The following ZNF385D variants were observed in gnomAD, a reference collection of about 807,000 sequenced individuals.
ZNF385D encodes the protein zinc finger protein 385D, also known as zinc finger protein 659.
A neutral mutation model predicts 35.8 loss-of-function variants in ZNF385D; 15 were observed. That is an observed-to-expected ratio of 0.42 (90% CI 0.28 to 0.64). The LOEUF (loss-of-function observed/expected upper bound fraction) is 0.64. Ranked by LOEUF, ZNF385D falls within the 30% of genes least tolerant of loss-of-function variation. The pLI is 0.23. For missense variants in ZNF385D, 474 were observed against 494.6 expected (o/e 0.96, Z 0.39); for synonymous variants, 212 against 186.8 (o/e 1.13, Z -1.10).
intron 3 of ZNF385D, among the ~76,000 whole-genome samples, chr3:22,103,690 A>C (rs1702058239): frequency 7.4e-6 from 1 of 135,132 alleles, no homozygotes. Flanking sequence ...ACACGTTAGT[A>C]CTGTGTCAAA....
At chr3:21,934,493 A>T (rs1701167554) in intron 3 of ZNF385D, among the ~76,000 whole-genome samples, 1 of 152,222 alleles carries the variant, frequency 6.6e-6, no homozygotes, top group Non-Finnish European at 1.5e-5. Flanking sequence ...ACACCGTTAA[A>T]TATTCACTGT....
At chr3:21,939,984 G>C (rs1701437670) in intron 3 of ZNF385D, among the ~76,000 whole-genome samples, 1 of 152,156 alleles carries the variant, frequency 6.6e-6, no homozygotes, top group Non-Finnish European at 1.5e-5. Flanking sequence ...AGCATTTTTA[G>C]ACTAACCAGT....
In ZNF385D at chr3:22,185,528, T is replaced by G. The variant is rs954056141; in HGVS notation, c.107-16493A>C. Reference sequence around the variant, plus strand: ...CTCTGTCGTCCAGGCTGGAGTGCAGTGCGATCTTGGCTCACTGCAACCTCC... The same window carrying G: ...CTCTGTCGTCCAGGCTGGAGTGCAGGGCGATCTTGGCTCACTGCAACCTCC... On this transcript the variant is annotated intron_variant, in intron 2 of 5. Transcript: ENST00000494108. Among the ~76,000 whole-genome samples, 8 of 152,310 alleles carry G rather than the reference T, an allele frequency of 5.3e-5. No individual in the cohort carries two copies. The East Asian group carries it at 9.6e-4, about 18-fold the overall frequency.
rs560485750 is a variant in ZNF385D, at chr3:22,076,434, T to A, written c.325+92383A>T. Among the ~76,000 whole-genome samples, 1,092 of 152,074 alleles carry A rather than the reference T, an allele frequency of 7.2e-3. 27 individuals carry two copies. Among genetic ancestry groups the A allele is most frequent in the Non-Finnish European group, 0.011 (733 of 67,888 alleles). On this transcript the variant is annotated intron_variant, in intron 3 of 5. Transcript: ENST00000494108. ...ATGAATATTCCCCCACATCCTATTTTTTAATCATTTGGATCTCAGCTTAAG... is the reference window on the plus strand; with the variant it reads ...ATGAATATTCCCCCACATCCTATTTATTAATCATTTGGATCTCAGCTTAAG...
intron 3 of ZNF385D, among the ~76,000 whole-genome samples, chr3:21,970,697 A>G (rs1703193922): frequency 6.6e-6 from 1 of 152,146 alleles, no homozygotes; most frequent in Non-Finnish European, 1.5e-5. Context: ...AAACATCAAT[A>G]TCTAAGTACA....
chr3:21,779,725 A>C (rs2071419972), intron 3 of ZNF385D, among the ~76,000 whole-genome samples: 1 of 151,994 alleles, frequency 6.6e-6, no homozygotes, highest in South Asian at 2.1e-4. Context: ...CTATGACAAA[A>C]GAATAAGGAG....
At chr3:21,758,059 T>C (rs2070426713) in intron 3 of ZNF385D, among the ~76,000 whole-genome samples, 1 of 152,230 alleles carries the variant, frequency 6.6e-6, no homozygotes, top group African/African-American at 2.4e-5. Context: ...ATTCACTACC[T>C]GAATCTCAGA....
chr3:22,004,809 C>T (rs1694019), intron 3 of ZNF385D, among the ~76,000 whole-genome samples: 82,269 of 151,446 alleles, frequency 0.54, 24,284 homozygotes, highest in African/African-American at 0.79. Flanking sequence ...CCCTTCACTG[C>T]TTTAAATTGT....
chr3:22,240,768 G>C (rs1224385940), intron 2 of ZNF385D, among the ~76,000 whole-genome samples: 1 of 150,940 alleles, frequency 6.6e-6, no homozygotes, highest in African/African-American at 2.5e-5. Flanking sequence ...TATGTCTCCA[G>C]ACTATGCACC....
chr3:21,802,106 T>C (rs1482749377), intron 3 of ZNF385D, among the ~76,000 whole-genome samples: 1 of 152,288 alleles, frequency 6.6e-6, no homozygotes, highest in East Asian at 1.9e-4. Flanking sequence ...CTAAAATCTA[T>C]ACATTTCCAT....
intron 4 of ZNF385D, among the ~76,000 whole-genome samples, chr3:21,455,174 A>G (rs1286331710): frequency 6.6e-6 from 1 of 152,238 alleles, no homozygotes; most frequent in Non-Finnish European, 1.5e-5. Flanking sequence ...GGTAATTTAT[A>G]GATTCAATGC....
At position 21,733,934 on chromosome 3, in the gene ZNF385D, G is replaced by A. The variant is rs1210671282; in HGVS notation, c.22+16961C>T. ...GATTTACTTTTTAATGTCCTAATAT[G>A]GTTTTCATATTTGTCTATTATTCAA... On this transcript the variant is annotated intron_variant, in intron 1 of 7. Transcript: ENST00000281523. Among the ~76,000 whole-genome samples the A allele has an allele frequency of 2.0e-5, 3 of 151,606 alleles. No homozygotes were observed. The East Asian group carries it at 5.8e-4, about 29-fold the overall frequency.
At chr3:21,727,004 C>A (rs1173720897) in intron 1 of ZNF385D, among the ~76,000 whole-genome samples, 2 of 152,104 alleles carry the variant, frequency 1.3e-5, no homozygotes, top group South Asian at 2.1e-4. Context: ...ACAGAGCCCT[C>A]AGAAATAAAA....
At chr3:22,122,078 T>C (rs1485404467) in intron 3 of ZNF385D, among the ~76,000 whole-genome samples, 3 of 152,128 alleles carry the variant, frequency 2.0e-5, no homozygotes, top group East Asian at 3.9e-4. Context: ...ACAAATATCG[T>C]CTCAGCCCAA....
chr3:22,194,605 A>T (rs1696280847), intron 2 of ZNF385D, among the ~76,000 whole-genome samples: 1 of 151,924 alleles, frequency 6.6e-6, no homozygotes, highest in Non-Finnish European at 1.5e-5. Flanking sequence ...ATCACCAATA[A>T]AATCAGCACA....
chr3:22,199,046 G>A (rs147063286), intron 2 of ZNF385D, among the ~76,000 whole-genome samples: 3 of 151,982 alleles, frequency 2.0e-5, no homozygotes, highest in Non-Finnish European at 2.9e-5. Flanking sequence ...TATGCTTATT[G>A]ATTGGTCTCG....
At chr3:21,471,254 TTCTC>T (rs1366485477) in intron 4 of ZNF385D, among the ~76,000 whole-genome samples, 7 of 105,170 alleles carry the variant, frequency 6.7e-5, no homozygotes, top group Admixed American at 1.9e-4. Flanking sequence ...CTCCCTCCCT[TTCTC>T]TCTCTCTCTC....
At chr3:21,933,812 G>T (rs924513362) in intron 3 of ZNF385D, among the ~76,000 whole-genome samples, 1 of 151,974 alleles carries the variant, frequency 6.6e-6, no homozygotes, top group Non-Finnish European at 1.5e-5. Context: ...CTATCTCCTG[G>T]TTTCTTAATT....
intron 4 of ZNF385D, chr3:21,441,791 C>A: frequency 1.1e-6 from 1 of 951,804 alleles, no homozygotes; most frequent in Non-Finnish European, 1.3e-6. Flanking sequence ...CTTACTGTTT[C>A]CCAAAGGCTG....
Sources: gnomAD v4.1 joint callset for allele counts (sites outside exome capture counted in the v4.1 genomes callset) on GRCh38, gnomAD v4.1.1 for gene constraint, MANE v1.5 for transcripts, NCBI Gene and HGNC (gene_info 2026-07-23, HGNC 2026-07-21) for gene names.